ZNF385D: variants seen among roughly 807,000 people sequenced by gnomAD.
The protein encoded by ZNF385D is zinc finger protein 659.
In ZNF385D, 15 loss-of-function variants were observed where a neutral mutation model predicts 35.8. That is an observed-to-expected ratio of 0.42 (90% CI 0.28 to 0.64). The LOEUF (loss-of-function observed/expected upper bound fraction) is 0.64, where lower values mean the gene tolerates loss of function less well. Ranked by LOEUF, ZNF385D falls within the 30% of genes least tolerant of loss-of-function variation. The pLI is 0.23. For synonymous variants in ZNF385D, 212 were observed against 186.8 expected (o/e 1.13, Z -1.10); for missense variants, 474 against 494.6 (o/e 0.96, Z 0.39).
intron 3 of ZNF385D, among the ~76,000 whole-genome samples, chr3:21,859,321 GC>G (rs2125826465): frequency 6.6e-6 from 1 of 152,058 alleles, no homozygotes; most frequent in East Asian, 1.9e-4. Context: ...GGAGCCTGTG[GC>G]GGCCCAGAAG....
At chr3:21,704,473 C>T (rs904085824) in intron 1 of ZNF385D, among the ~76,000 whole-genome samples, 1 of 151,964 alleles carries the variant, frequency 6.6e-6, no homozygotes, top group Admixed American at 6.6e-5. Context: ...ATTTCATAGC[C>T]TTTACCAAAA....
chr3:22,022,578 T>C (rs1026573379), intron 3 of ZNF385D, among the ~76,000 whole-genome samples: 6 of 152,086 alleles, frequency 3.9e-5, no homozygotes, highest in Non-Finnish European at 8.8e-5. Context: ...TAAATTCCTG[T>C]TTGGCAAATG....
intron 3 of ZNF385D, among the ~76,000 whole-genome samples, chr3:21,920,595 A>C (rs936711943): frequency 1.3e-4 from 19 of 148,654 alleles, no homozygotes; most frequent in African/African-American, 3.7e-4. Context: ...TTTAGTGATA[A>C]GAAGAGGGTT....
intron 3 of ZNF385D, among the ~76,000 whole-genome samples, chr3:21,524,995 C>T (rs1708135905): frequency 6.6e-6 from 1 of 152,074 alleles, no homozygotes; most frequent in African/African-American, 2.4e-5. Context: ...GGGAGAAAAC[C>T]ACACCACTAC....
chr3:21,439,693 T>C (rs1321256004), intron 4 of ZNF385D, among the ~76,000 whole-genome samples: 5 of 152,102 alleles, frequency 3.3e-5, no homozygotes, highest in African/African-American at 1.2e-4. Context: ...CAGGAATCTT[T>C]CGATTCCTGT....
At chr3:22,213,777 A>G (rs528867103) in intron 2 of ZNF385D, among the ~76,000 whole-genome samples, 65 of 152,178 alleles carry the variant, frequency 4.3e-4, no homozygotes, top group Non-Finnish European at 7.1e-4. Context: ...ACCAGAAGCA[A>G]GAAGTCTCAG....
At chr3:21,475,968 T>C (rs1388631832) in intron 4 of ZNF385D, among the ~76,000 whole-genome samples, 1 of 152,058 alleles carries the variant, frequency 6.6e-6, no homozygotes, top group Non-Finnish European at 1.5e-5. Context: ...GCATGCCCAG[T>C]AAATCATCAG....
intron 3 of ZNF385D, among the ~76,000 whole-genome samples, chr3:22,147,903 T>C (rs1704963209): frequency 6.6e-6 from 1 of 152,162 alleles, no homozygotes; most frequent in Non-Finnish European, 1.5e-5. Flanking sequence ...CCTGGAATCA[T>C]GAGCAATCAT....
intron 3 of ZNF385D, among the ~76,000 whole-genome samples, chr3:22,038,092 G>A (rs957325247): frequency 3.3e-5 from 5 of 152,160 alleles, no homozygotes; most frequent in Non-Finnish European, 7.3e-5. Context: ...ATGGATTAAA[G>A]ACTTAAATGT....
intron 3 of ZNF385D, among the ~76,000 whole-genome samples, chr3:22,075,683 AAAG>A (rs748280651): frequency 2.0e-4 from 30 of 152,028 alleles, no homozygotes; most frequent in Middle Eastern, 6.8e-3. Flanking sequence ...CTTTCTTTCC[AAAG>A]AAGTTTTGAT....
chr3:21,584,011 T>A (rs1286945748), intron 2 of ZNF385D, among the ~76,000 whole-genome samples: 1 of 147,038 alleles, frequency 6.8e-6, no homozygotes, highest in Non-Finnish European at 1.5e-5. Flanking sequence ...GTTTTGCCTG[T>A]CGCCCAGGCT....
At chr3:21,855,563 G>C (rs1449509475) in intron 3 of ZNF385D, among the ~76,000 whole-genome samples, 1 of 151,702 alleles carries the variant, frequency 6.6e-6, no homozygotes, top group Non-Finnish European at 1.5e-5. Flanking sequence ...TCCATTAAAA[G>C]TACAGTTTTT....
intron 4 of ZNF385D, among the ~76,000 whole-genome samples, chr3:21,469,577 A>G (rs1294824442): frequency 2.0e-5 from 3 of 152,224 alleles, no homozygotes; most frequent in African/African-American, 7.2e-5. Context: ...AAAAGAATAC[A>G]TTTAGGTTTA....
chr3:21,602,866 G>A (rs901271963), intron 2 of ZNF385D, among the ~76,000 whole-genome samples: 4 of 152,066 alleles, frequency 2.6e-5, no homozygotes, highest in African/African-American at 9.6e-5. Flanking sequence ...ACAGAACTCG[G>A]CCCACATGCA....
intron 3 of ZNF385D, among the ~76,000 whole-genome samples, chr3:21,919,196 T>A (rs1251439808): frequency 2.8e-4 from 42 of 152,196 alleles, no homozygotes; most frequent in Admixed American, 2.7e-3. Flanking sequence ...CATTCATTCA[T>A]CCATTCATTC....
rs145617252 is a variant in ZNF385D, at chr3:22,231,733, T to C, written c.107-62698A>G. ...AAGGAGCAGAGCAGAATAATATGGT[T>C]TGGCTCTGTGTCCCCACACAGATCT... is the stretch of plus-strand genomic sequence containing the variant. On this transcript the variant is annotated intron_variant, in intron 2 of 5. Transcript: ENST00000494108. Among the ~76,000 whole-genome samples the C allele has an allele frequency of 1.5e-3, 232 of 152,256 alleles. 1 individual carries two copies. Among genetic ancestry groups the C allele is most frequent in the African/African-American group, 5.2e-3 (218 of 41,564 alleles).
intron 3 of ZNF385D, among the ~76,000 whole-genome samples, chr3:22,017,814 A>C (rs1028890578): frequency 2.6e-5 from 4 of 151,968 alleles, no homozygotes; most frequent in Non-Finnish European, 5.9e-5. Flanking sequence ...TTATATTTTA[A>C]GCTGTCTATA....
At chr3:22,110,750 G>T (rs1188093744) in intron 3 of ZNF385D, among the ~76,000 whole-genome samples, 1 of 151,046 alleles carries the variant, frequency 6.6e-6, no homozygotes, top group East Asian at 1.9e-4. Context: ...TAACTAACCT[G>T]CCCGTTGTGA....
In ZNF385D at chr3:22,006,884, G is replaced by A. The variant is rs538619665; in HGVS notation, c.325+161933C>T. On this transcript the variant is annotated intron_variant, in intron 3 of 5. Transcript: ENST00000494108. ...CCAACAGAGAGACATCAGAAACCAA[G>A]AGAACTGTGTTTTATAAGTCATTTA... Among the ~76,000 whole-genome samples the A allele has an allele frequency of 3.3e-5, 5 of 152,044 alleles. No individual in the cohort carries two copies. The South Asian group carries it at 1.0e-3, about 32-fold the overall frequency.
Sources: allele counts gnomAD v4.1 joint callset (sites outside exome capture counted in the v4.1 genomes callset), GRCh38; gene constraint gnomAD v4.1.1; transcripts MANE v1.5; gene names NCBI Gene and HGNC (gene_info 2026-07-23, HGNC 2026-07-21).